The following FHIP1A variants were observed in gnomAD, a reference collection of about 807,000 sequenced individuals.
FHIP1A encodes FHF complex subunit HOOK interacting protein 1A.
A neutral mutation model predicts 88.6 loss-of-function variants in FHIP1A; 61 were observed. The observed-to-expected ratio is 0.69, with a 90% CI of 0.56 to 0.85. The LOEUF (loss-of-function observed/expected upper bound fraction) is 0.85, where lower values mean the gene tolerates loss of function less well. Among genes scored for constraint, FHIP1A ranks in the 40% least tolerant of loss-of-function variants. FHIP1A has a pLI of 0.00. For synonymous variants in FHIP1A, 478 were observed against 496.0 expected, an observed-to-expected ratio of 0.96 and a Z score of 0.48; for missense variants, 1,154 against 1,273.5, an observed-to-expected ratio of 0.91 and a Z score of 1.43.
intron 7 of FHIP1A, among the ~76,000 whole-genome samples, chr4:151,598,820 A>G (rs1734749967): frequency 6.6e-6 from 1 of 152,096 alleles, no homozygotes; most frequent in Admixed American, 6.6e-5. Context: ...TTTTCTTACA[A>G]CTCACTTGGT....
At chr4:151,655,124 G>A (rs1334400889) in intron 11 of FHIP1A, among the ~76,000 whole-genome samples, 2 of 152,172 alleles carry the variant, frequency 1.3e-5, no homozygotes, top group Admixed American at 1.3e-4. Flanking sequence ...TGTTAAACTC[G>A]TATTAATGTT....
chr4:151,527,621 A>G (rs946577246), intron 3 of FHIP1A, among the ~76,000 whole-genome samples: 11 of 151,010 alleles, frequency 7.3e-5, no homozygotes, highest in Admixed American at 2.6e-4. Context: ...AATTGACTTT[A>G]TTATTGTTAT....
intron 5 of FHIP1A, among the ~76,000 whole-genome samples, chr4:151,583,284 T>G (rs1300965459): frequency 3.9e-5 from 6 of 152,244 alleles, no homozygotes; most frequent in African/African-American, 1.4e-4. Flanking sequence ...TCTTTGCCAT[T>G]CTGAAGGAGA....
chr4:151,509,076 A>T (rs182605331), intron 3 of FHIP1A, among the ~76,000 whole-genome samples: 5 of 152,164 alleles, frequency 3.3e-5, no homozygotes. Context: ...TACTAAATAA[A>T]TATTACTCGA....
intron 3 of FHIP1A, among the ~76,000 whole-genome samples, chr4:151,501,549 A>G (rs918122225): frequency 2.0e-5 from 3 of 151,550 alleles, no homozygotes; most frequent in African/African-American, 7.3e-5. Context: ...TTCTTTGATA[A>G]TCAAAGAAAT....
At chr4:151,438,404 A>G (rs1728283730) in intron 1 of FHIP1A, among the ~76,000 whole-genome samples, 1 of 152,048 alleles carries the variant, frequency 6.6e-6, no homozygotes, top group African/African-American at 2.4e-5. Context: ...CTAGCGGGGC[A>G]CCTGTCACAC....
chr4:151,436,236 C>T (rs948860357), intron 1 of FHIP1A, among the ~76,000 whole-genome samples: 3 of 152,116 alleles, frequency 2.0e-5, no homozygotes, highest in Non-Finnish European at 4.4e-5. Flanking sequence ...CCCACTCAAC[C>T]TTAGCACTGT....
intron 3 of FHIP1A, among the ~76,000 whole-genome samples, chr4:151,542,174 G>T (rs1376676409): frequency 6.6e-6 from 1 of 152,082 alleles, no homozygotes; most frequent in Non-Finnish European, 1.5e-5. Flanking sequence ...TGTGTGACGA[G>T]AACCCAGTTT....
intron 7 of FHIP1A, among the ~76,000 whole-genome samples, chr4:151,603,283 A>G (rs961663004): frequency 2.0e-5 from 3 of 151,904 alleles, no homozygotes; most frequent in Non-Finnish European, 4.4e-5. Flanking sequence ...ACTGCACTCC[A>G]GCCTGGGCAA....
chr4:151,439,074 G>A (rs912957213), intron 1 of FHIP1A, among the ~76,000 whole-genome samples: 2 of 152,078 alleles, frequency 1.3e-5, no homozygotes, highest in African/African-American at 4.8e-5. Flanking sequence ...TTATTTTAAA[G>A]CATGTTTTCT....
chr4:151,543,180 C>G (rs919807398), intron 3 of FHIP1A, among the ~76,000 whole-genome samples: 1 of 152,176 alleles, frequency 6.6e-6, no homozygotes, highest in Non-Finnish European at 1.5e-5. Flanking sequence ...GGTGGAGTGA[C>G]TTGCTTAACC....
At chr4:151,607,413 AAATT>A (rs1311049981) in intron 7 of FHIP1A, among the ~76,000 whole-genome samples, 2 of 152,242 alleles carry the variant, frequency 1.3e-5, no homozygotes, top group Non-Finnish European at 2.9e-5. Context: ...TAGACAGACT[AAATT>A]AATAATTTCT....
intron 1 of FHIP1A, among the ~76,000 whole-genome samples, chr4:151,433,042 G>A (rs1398938766): frequency 6.6e-6 from 1 of 152,114 alleles, no homozygotes; most frequent in African/African-American, 2.4e-5. Context: ...TATTTTGGGA[G>A]TAGTTAGACT....
intron 1 of FHIP1A, among the ~76,000 whole-genome samples, chr4:151,436,892 T>G (rs1481587879): frequency 1.3e-5 from 2 of 152,192 alleles, no homozygotes; most frequent in Non-Finnish European, 2.9e-5. Flanking sequence ...GCATATAACC[T>G]ACACATGTCT....
chr4:151,450,094 A>G (rs1296453848), intron 1 of FHIP1A, among the ~76,000 whole-genome samples: 1 of 152,166 alleles, frequency 6.6e-6, no homozygotes, highest in African/African-American at 2.4e-5. Flanking sequence ...CATTTCATAA[A>G]AGTTTAAAAT....
At position 151,577,839 on chromosome 4, in the gene FHIP1A, A is replaced by G; in HGVS notation, c.495A>G (p.Leu165=). The G allele has an allele frequency of 6.4e-7, 1 of 1,551,880 alleles. No homozygotes were observed. Among genetic ancestry groups the G allele is most frequent in the Non-Finnish European group, 8.7e-7 (1 of 1,147,026 alleles). The part of the protein sequence containing the change: ...TPTVEEKLVV[L]LNQLCSILAK... ...CTGTGGAGGAGAAGCTGGTTGTCCT[A>G]CTCAATCAGCTCTGTTCCATTCTTG... The change falls in exon 5 of 14, where the codon CTA becomes CTG. Residue 165 remains leucine, a synonymous_variant. Coordinates refer to ENST00000435205, the MANE Select transcript of FHIP1A (RefSeq NM_001109977.3).
intron 1 of FHIP1A, among the ~76,000 whole-genome samples, chr4:151,451,693 C>T (rs928982349): frequency 6.6e-6 from 1 of 152,156 alleles, no homozygotes; most frequent in African/African-American, 2.4e-5. Context: ...GCAGGGGACA[C>T]ATGAATTTAA....
chr4:151,468,251 C>T (rs991808371), intron 2 of FHIP1A, among the ~76,000 whole-genome samples: 10 of 142,168 alleles, frequency 7.0e-5, no homozygotes, highest in Non-Finnish European at 1.5e-4. Context: ...CGCCACTGCA[C>T]TCCAGCCTAG....
chr4:151,649,786 G>C lies in FHIP1A; in HGVS notation c.1745G>C (p.Ser582Thr). Residue 582 changes from serine (S) to threonine (T), a missense_variant, in exon 11 of 14, where the codon AGC becomes ACC. By Grantham distance (58) the Ser-to-Thr change is moderately conservative (BLOSUM62 1). Coordinates refer to ENST00000435205, the MANE Select transcript of FHIP1A (RefSeq NM_001109977.3). ...KSQTELEWDD[S>T]YDTGISSGAD... The stretch of plus-strand genomic sequence containing the variant: ...CAGACAGAGCTGGAATGGGATGACA[G>C]CTATGACACTGGAATCTCCTCAGGG... 1 of 1,551,710 alleles carries C rather than the reference G, an allele frequency of 6.4e-7. No homozygotes were observed. The highest frequency in any genetic ancestry group is 8.7e-7 in the Non-Finnish European group (1 of 1,146,986).
Sources: allele counts gnomAD v4.1 joint callset (sites outside exome capture counted in the v4.1 genomes callset), GRCh38; gene constraint gnomAD v4.1.1; transcripts MANE v1.5; gene names NCBI Gene and HGNC (gene_info 2026-07-23, HGNC 2026-07-21).